The following TLN2 variants were observed in gnomAD, a reference collection of about 807,000 sequenced individuals.
The protein encoded by TLN2 is talin-2.
TLN2 carries 118 observed loss-of-function variants against 294.7 expected under a neutral mutation model. The observed-to-expected ratio is 0.40, with a 90% confidence interval of 0.34 to 0.47. The LOEUF is 0.47. TLN2 is among the 20% of genes least tolerant of loss of function. The pLI, the probability that TLN2 is intolerant of heterozygous loss-of-function variation, is 0.84. For synonymous variants in TLN2, 1,431 were observed against 1,304.5 expected, an observed-to-expected ratio of 1.10 and a Z score of -2.09; for missense variants, 3,083 against 3,282.2, an observed-to-expected ratio of 0.94 and a Z score of 1.48.
At chr15:62,831,246 C>T (rs969243043) in intron 54 of TLN2, 1 of 151,922 alleles carries the variant, frequency 6.6e-6, no homozygotes, top group African/African-American at 2.4e-5. Flanking sequence ...GGCGTGGAAC[C>T]CATAGAGTAG....
chr15:62,785,256 TC>T (rs2064545535), intron 45 of TLN2, among the ~76,000 whole-genome samples: 1 of 152,158 alleles, frequency 6.6e-6, no homozygotes. Flanking sequence ...TTAAATAGAC[TC>T]CCTGTTTTAG....
At chr15:62,808,487 A>T (rs1024887130) in intron 51 of TLN2, among the ~76,000 whole-genome samples, 1 of 152,236 alleles carries the variant, frequency 6.6e-6, no homozygotes, top group Non-Finnish European at 1.5e-5. Flanking sequence ...TCCTAGAAAT[A>T]GAATTAGTGG....
chr15:62,601,301 A>G (rs2046982343), intron 2 of TLN2, among the ~76,000 whole-genome samples: 1 of 152,192 alleles, frequency 6.6e-6, no homozygotes, highest in Non-Finnish European at 1.5e-5. Context: ...AATATATCTG[A>G]CCCAAAATGT....
rs1175891358 is a variant in TLN2 at position 62,719,725 on chromosome 15, A to G, written c.2878-42A>G. On this transcript the variant is annotated intron_variant, in intron 24 of 58. Transcript: ENST00000636159. ...TGGTCTAGCTTCTTTGGATGGTCCC[A>G]CCATTCTAGCCATGCTGTTTTTATT... 3.4e-6 allele frequency: 5 copies of G among 1,487,018 alleles called. No homozygotes were observed. The South Asian group carries it at 5.3e-5, about 16-fold the overall frequency. 92.1% of individuals were successfully genotyped at this position (1,487,018 alleles called of 1,614,324 possible).
At chr15:62,822,115 C>T (rs143465103) in intron 54 of TLN2, among the ~76,000 whole-genome samples, 2,465 of 152,272 alleles carry the variant, frequency 0.016, 50 homozygotes, top group African/African-American at 0.049. Context: ...TTTGTCCTTC[C>T]GCAGGGTCCT....
chr15:62,693,886 C>T (rs769077118), intron 13 of TLN2, among the ~76,000 whole-genome samples: 1 of 151,166 alleles, frequency 6.6e-6, no homozygotes, highest in Non-Finnish European at 1.5e-5. Flanking sequence ...TAAACTTCAA[C>T]ACTTTGACTT....
intron 54 of TLN2, among the ~76,000 whole-genome samples, chr15:62,825,867 T>TATA: frequency 1.0e-5 from 1 of 98,556 alleles, no homozygotes; most frequent in African/African-American, 5.0e-5. Flanking sequence ...TATATATATA[T>TATA]TTATATATAT....
intron 1 of TLN2, among the ~76,000 whole-genome samples, chr15:62,403,950 C>A (rs756154785): frequency 1.3e-5 from 2 of 152,196 alleles, no homozygotes; most frequent in Non-Finnish European, 2.9e-5. Flanking sequence ...GAAGAGAAAT[C>A]ATCTCTGCCG....
At chr15:62,548,007 G>A (rs2140542952) in intron 1 of TLN2, among the ~76,000 whole-genome samples, 1 of 152,262 alleles carries the variant, frequency 6.6e-6, no homozygotes, top group Admixed American at 6.5e-5. Context: ...TTCTTCCAGG[G>A]GCCCTTTGCA....
At chr15:62,508,568 C>T (rs2039759414) in intron 1 of TLN2, among the ~76,000 whole-genome samples, 1 of 152,030 alleles carries the variant, frequency 6.6e-6, no homozygotes, top group Non-Finnish European at 1.5e-5. Flanking sequence ...AAGATCTGGA[C>T]AGTTTGAAAT....
chr15:62,796,408 C>G, intron 47 of TLN2, 115 bp downstream of exon 47: 1 of 1,226,198 alleles, frequency 8.2e-7, no homozygotes, highest in East Asian at 2.4e-5. Context: ...TTGATTTCAA[C>G]AAGATGCACA....
chr15:62,841,957 C>T lies in TLN2; in HGVS notation c.*1347C>T, dbSNP rs1348826543. 1 of 140,328 alleles carries T rather than the reference C, an allele frequency of 7.1e-6. No homozygotes were observed. The highest frequency in any genetic ancestry group is 1.5e-5 in the Non-Finnish European group (1 of 66,690). 8.7% of individuals were successfully genotyped at this position (140,328 alleles called of 1,614,324 possible). A position where few individuals can be genotyped will look rare whatever the true frequency, so the allele number is the denominator to read the frequency against. On this transcript the variant is annotated 3_prime_UTR_variant, in exon 59 of 59. Coordinates refer to ENST00000636159, the MANE Select transcript of TLN2 (RefSeq NM_015059.3). ...AAAACTGGTAACAGTTAAAGGCACT[C>T]ACCCTCCGCCTCTCTCTCTCTCTCT...
chr15:62,657,617 G>A (rs372129754), intron 8 of TLN2, among the ~76,000 whole-genome samples, 154 bp from the exon 9 acceptor site: 6 of 152,194 alleles, frequency 3.9e-5, no homozygotes, highest in East Asian at 1.9e-4. Flanking sequence ...CTCCCATGCG[G>A]TGATCATCCA....
intron 52 of TLN2, among the ~76,000 whole-genome samples, chr15:62,816,257 C>G (rs969389914): frequency 6.6e-6 from 1 of 152,164 alleles, no homozygotes; most frequent in Non-Finnish European, 1.5e-5. Flanking sequence ...ATGGTGGCCT[C>G]CTGCGTTTGC....
At chr15:62,793,309 A>T (rs1223233352) in intron 46 of TLN2, among the ~76,000 whole-genome samples, 1 of 143,776 alleles carries the variant, frequency 7.0e-6, no homozygotes, top group Non-Finnish European at 1.6e-5. Flanking sequence ...AGAAGCAGAA[A>T]CTTGTCCTCG....
At chr15:62,539,218 G>A (rs1038698347) in intron 1 of TLN2, among the ~76,000 whole-genome samples, 1 of 152,206 alleles carries the variant, frequency 6.6e-6, no homozygotes, top group African/African-American at 2.4e-5. Flanking sequence ...ATTGAGGCGT[G>A]CTTTCTTGGA....
intron 11 of TLN2, among the ~76,000 whole-genome samples, chr15:62,676,969 G>C (rs879455685): frequency 6.6e-6 from 1 of 152,162 alleles, no homozygotes; most frequent in African/African-American, 2.4e-5. Context: ...TTCAGTGGGG[G>C]CCATAAGGCT....
chr15:62,461,223 C>T (rs542684003), intron 1 of TLN2, among the ~76,000 whole-genome samples: 11 of 152,226 alleles, frequency 7.2e-5, no homozygotes, highest in East Asian at 3.9e-4. Flanking sequence ...GAATTACAGG[C>T]GTGAGCCACC....
intron 1 of TLN2, among the ~76,000 whole-genome samples, chr15:62,572,968 C>T (rs2044027977): frequency 6.6e-6 from 1 of 151,640 alleles, no homozygotes; most frequent in South Asian, 2.1e-4. Context: ...GAGCTGGTGC[C>T]CTGCTCACGG....
Sources: allele counts gnomAD v4.1 joint callset (sites outside exome capture counted in the v4.1 genomes callset), GRCh38; gene constraint gnomAD v4.1.1; transcripts MANE v1.5; gene names NCBI Gene and HGNC (gene_info 2026-07-23, HGNC 2026-07-21).